Variants in GRK5 observed in about 807,000 individuals in gnomAD.
GRK5 encodes the protein g protein-coupled receptor kinase GRK5.
GRK5 carries 40 observed loss-of-function variants against 78.4 expected under a neutral mutation model. The observed-to-expected ratio is 0.51, with a 90% CI of 0.40 to 0.66. GRK5 has a LOEUF of 0.66. Among genes scored for constraint, GRK5 ranks in the 30% least tolerant of loss-of-function variants. The pLI is 0.00. For missense variants in GRK5, 598 were observed against 759.9 expected (o/e 0.79, Z 2.50); for synonymous variants, 289 against 296.8 (o/e 0.97, Z 0.27).
intron 1 of GRK5, among the ~76,000 whole-genome samples, chr10:119,276,792 A>G (rs1368708508): frequency 6.6e-6 from 1 of 152,228 alleles, no homozygotes. Flanking sequence ...TTGGAATTCA[A>G]CTGTCAAAGT....
At chr10:119,291,926 CCTT>C (rs201951127) in intron 1 of GRK5, among the ~76,000 whole-genome samples, 568 of 105,958 alleles carry the variant, frequency 5.4e-3, no homozygotes, top group South Asian at 0.01. Flanking sequence ...TCTTCTTCCT[CCTT>C]CTTTTCCTCC....
At chr10:119,393,314 G>A (rs1349574444) in intron 3 of GRK5, among the ~76,000 whole-genome samples, 4 of 152,220 alleles carry the variant, frequency 2.6e-5, no homozygotes, top group African/African-American at 4.8e-5. Flanking sequence ...GTGGACCTGC[G>A]TGCCCATCCA....
intron 1 of GRK5, among the ~76,000 whole-genome samples, chr10:119,247,551 A>G (rs1849132880): frequency 2.6e-5 from 4 of 152,242 alleles, no homozygotes; most frequent in Non-Finnish European, 5.9e-5. Flanking sequence ...GGAGAAGGTT[A>G]GGTCATGCAC....
chr10:119,394,110 TGG>T (rs748994090), intron 3 of GRK5, among the ~76,000 whole-genome samples: 3,366 of 38,680 alleles, frequency 0.087, 83 homozygotes, highest in Admixed American at 0.21. Flanking sequence ...TGCGTCTGTG[TGG>T]GGGGTGTGTG....
intron 1 of GRK5, among the ~76,000 whole-genome samples, chr10:119,300,395 C>T (rs1290599333): frequency 6.6e-6 from 1 of 152,198 alleles, no homozygotes; most frequent in East Asian, 1.9e-4. Context: ...GCTCACAGAC[C>T]AGAGTGCATC....
At chr10:119,376,609 G>T (rs932435667) in intron 2 of GRK5, among the ~76,000 whole-genome samples, 1 of 142,498 alleles carries the variant, frequency 7.0e-6, no homozygotes, top group Non-Finnish European at 1.5e-5. Flanking sequence ...TTGTTGCCCA[G>T]GCTGGAGTAC....
chr10:119,321,415 G>A lies in GRK5; in HGVS notation c.53-5101G>A, dbSNP rs577210234. On this transcript the variant is annotated intron_variant, in intron 1 of 15. Coordinates refer to ENST00000392870, the MANE Select transcript of GRK5 (RefSeq NM_005308.3). Reference sequence around the variant, plus strand: ...GAGTTAAAGTCAAGGCATCAGCAGGGCTGTGTTCCCTCTGGGGGCTCCGGG... The same window carrying A: ...GAGTTAAAGTCAAGGCATCAGCAGGACTGTGTTCCCTCTGGGGGCTCCGGG... Among the ~76,000 whole-genome samples, 14 of 152,336 alleles carry A rather than the reference G, an allele frequency of 9.2e-5. No homozygotes were observed. In the South Asian group the frequency reaches 2.9e-3, roughly 32 times the overall value.
At chr10:119,442,181 G>A (rs1419462324) in intron 11 of GRK5, 93 bp downstream of exon 11, 14 of 934,412 alleles carry the variant, frequency 1.5e-5, no homozygotes, top group African/African-American at 4.8e-5. Flanking sequence ...AGAGCCTCTC[G>A]CCTCTTCATG....
At chr10:119,448,762 G>GAGTT (rs1358810966) in intron 13 of GRK5, among the ~76,000 whole-genome samples, 1 of 152,190 alleles carries the variant, frequency 6.6e-6, no homozygotes, top group Non-Finnish European at 1.5e-5. Context: ...ACATTGCAGG[G>GAGTT]AGTTGCATCT....
rs200359403 is a variant in GRK5, at chr10:119,452,706, C to G, written c.1440C>G (p.Ile480Met). 55 of 1,614,148 alleles carry G rather than the reference C, an allele frequency of 3.4e-5. No homozygotes were observed. Among genetic ancestry groups the G allele is most frequent in the Non-Finnish European group, 8.5e-7 (1 of 1,180,038 alleles). Residue 480 changes from isoleucine to methionine, a missense_variant, in exon 14 of 16, where the codon ATC becomes ATG. Ile to Met is a conservative substitution (Grantham distance 10, BLOSUM62 1). Transcript: ENST00000392870. This position sits in a 1 kb window ranked among gnomAD's most constrained non-coding sequence, Gnocchi z 4.4. ...RAVYCKDVLD[I>M]EQFSTVKGVN... The stretch of plus-strand genomic sequence containing the variant: ...TGTACTGTAAGGACGTGCTGGACAT[C>G]GAGCAGTTCTCCACTGTGAAGGGCG...
intron 1 of GRK5, among the ~76,000 whole-genome samples, chr10:119,237,020 C>G (rs1225007556): frequency 6.7e-6 from 1 of 150,344 alleles, no homozygotes; most frequent in Non-Finnish European, 1.5e-5. Flanking sequence ...CCTGACCAGC[C>G]TCTGGTTTCA....
intron 2 of GRK5, among the ~76,000 whole-genome samples, chr10:119,371,621 G>A (rs1851549154): frequency 6.6e-6 from 1 of 152,212 alleles, no homozygotes; most frequent in Non-Finnish European, 1.5e-5. Flanking sequence ...AGGCTGGCAT[G>A]GCCCTGCCCT....
At chr10:119,426,770 G>A (rs1012246734) in intron 6 of GRK5, among the ~76,000 whole-genome samples, 1 of 150,534 alleles carries the variant, frequency 6.6e-6, no homozygotes, top group South Asian at 2.1e-4. Flanking sequence ...ATCATCATCA[G>A]TATACCGCCA....
chr10:119,433,659 T>G (rs1852864582), intron 8 of GRK5, among the ~76,000 whole-genome samples: 1 of 152,250 alleles, frequency 6.6e-6, no homozygotes, highest in South Asian at 2.1e-4. Flanking sequence ...GCACCAGTTT[T>G]ACGGCACAGC....
intron 2 of GRK5, among the ~76,000 whole-genome samples, chr10:119,356,714 G>A (rs1851267421): frequency 1.3e-5 from 2 of 152,122 alleles, no homozygotes; most frequent in Admixed American, 6.5e-5. Flanking sequence ...TAGAGAAGAT[G>A]AACAACAACA....
chr10:119,244,437 A>G (rs1247144186), intron 1 of GRK5, among the ~76,000 whole-genome samples: 1 of 152,280 alleles, frequency 6.6e-6, no homozygotes, highest in Non-Finnish European at 1.5e-5. Context: ...AATTGAACAG[A>G]CATTTCTCCA....
chr10:119,282,641 C>G (rs1224028091), intron 1 of GRK5, among the ~76,000 whole-genome samples: 1 of 152,196 alleles, frequency 6.6e-6, no homozygotes, highest in African/African-American at 2.4e-5. Context: ...GGTTTCTCCC[C>G]AGAGCCTGAA....
At chr10:119,226,338 G>C (rs1452323921) in intron 1 of GRK5, among the ~76,000 whole-genome samples, 11 of 131,194 alleles carry the variant, frequency 8.4e-5, no homozygotes, top group Non-Finnish European at 1.4e-4. Flanking sequence ...TTGAGATGAA[G>C]CCTAACTCTG....
intron 2 of GRK5, among the ~76,000 whole-genome samples, chr10:119,328,720 G>A (rs1850719568): frequency 6.6e-6 from 1 of 152,256 alleles, no homozygotes; most frequent in South Asian, 2.1e-4. Flanking sequence ...TACAACAGGA[G>A]GAAAGCATCT....
Sources: allele counts gnomAD v4.1 joint callset (sites outside exome capture counted in the v4.1 genomes callset), GRCh38; gene constraint gnomAD v4.1.1; non-coding constraint Gnocchi (gnomAD v3.1); transcripts MANE v1.5; gene names NCBI Gene and HGNC (gene_info 2026-07-23, HGNC 2026-07-21).